The following DIP2A variants were observed in gnomAD, a reference collection of about 807,000 sequenced individuals.
The protein encoded by DIP2A is DIP2 acetate--CoA ligase A.
DIP2A carries 85 observed loss-of-function variants against 177.4 expected under a neutral mutation model. The ratio of observed to expected loss-of-function variants is 0.48; its 90% confidence interval spans 0.40 to 0.57. The LOEUF (loss-of-function observed/expected upper bound fraction) is 0.57. Ranked by LOEUF, DIP2A falls within the 20% of genes least tolerant of loss-of-function variation. The pLI is 0.00. For missense variants in DIP2A, 1,791 were observed against 2,100.2 expected, an observed-to-expected ratio of 0.85 and a Z score of 2.88; for synonymous variants, 886 against 881.8, an observed-to-expected ratio of 1.00 and a Z score of -0.08.
At position 46,550,046 on chromosome 21, in the gene DIP2A, G is replaced by A. The variant is rs2060215572; in HGVS notation, c.2637+161G>A. Reference sequence around the variant, plus strand: ...GCAAATTGACAAATTACAGCTGTATGTATTTACGGGATACAAAGTGATGTT... The same window carrying A: ...GCAAATTGACAAATTACAGCTGTATATATTTACGGGATACAAAGTGATGTT... On this transcript the variant is annotated intron_variant, in intron 22 of 37. Coordinates refer to ENST00000417564, the MANE Select transcript of DIP2A (RefSeq NM_015151.4). 7 of 1,437,722 alleles carry A rather than the reference G, an allele frequency of 4.9e-6. No homozygotes were observed. In the East Asian group the frequency reaches 1.7e-4, roughly 35 times the overall value. The allele number at this position is 1,437,722 out of a possible 1,614,324, so 89.1% of individuals were successfully genotyped here.
chr21:46,560,661 G>A (rs764720310), intron 32 of DIP2A, 61 bp from the exon 33 acceptor site: 256 of 1,559,424 alleles, frequency 1.6e-4, no homozygotes, highest in Admixed American at 2.3e-4. Context: ...AGCTGTACCT[G>A]TAGAAACAAG....
At chr21:46,561,946 AG>A (rs2148910592) in intron 34 of DIP2A, 141 bp downstream of exon 34, 3 of 1,473,778 alleles carry the variant, frequency 2.0e-6, no homozygotes, top group Middle Eastern at 4.8e-4. Context: ...CTGCTGCAGA[AG>A]TCTCCTTCCC....
chr21:46,469,089 C>G (rs1018997899), intron 1 of DIP2A: 2 of 152,166 alleles, frequency 1.3e-5, no homozygotes, highest in Non-Finnish European at 2.9e-5. Context: ...CTTGTAGGAT[C>G]ATAATTATTT....
chr21:46,549,661 C>T (rs1321916506), intron 21 of DIP2A, 110 bp from the exon 22 acceptor site: 14 of 1,527,410 alleles, frequency 9.2e-6, no homozygotes, highest in Non-Finnish European at 1.1e-5. Context: ...ATTTGATAGA[C>T]TGCATTTTAA....
intron 6 of DIP2A, among the ~76,000 whole-genome samples, chr21:46,508,003 G>A (rs1400618132): frequency 6.6e-6 from 1 of 151,242 alleles, no homozygotes; most frequent in Non-Finnish European, 1.5e-5. Flanking sequence ...ACCCCAATGT[G>A]CTGGGATTAC....
At chr21:46,545,484 G>A (rs996790621) in intron 19 of DIP2A, among the ~76,000 whole-genome samples, 12 of 152,230 alleles carry the variant, frequency 7.9e-5, no homozygotes, top group Admixed American at 5.2e-4. Context: ...GGCATGCTGT[G>A]GAGGGCTGGG....
Position 46,509,272 on chromosome 21 carries a change from G to A in DIP2A, c.800G>A (p.Ser267Asn), listed in dbSNP as rs1315236820. 1 of 1,613,462 alleles carries A rather than the reference G, an allele frequency of 6.2e-7. No homozygotes were observed. The highest frequency in any genetic ancestry group is 1.3e-5 in the African/African-American group (1 of 75,022). ...CCCGTGACAGGTGTCCCTGTGAACA[G>A]CAGAGTGTCCTCCAAAATCCAGCAG... ...LETADGVPVN[S>N]RVSSKIQQLL... Residue 267 changes from serine to asparagine, a missense_variant, in exon 7 of 38, where the codon AGC becomes AAC. Physicochemically the swap from Ser to Asn is conservative, Grantham distance 46 (BLOSUM62 1). Coordinates refer to ENST00000417564, the MANE Select transcript of DIP2A (RefSeq NM_015151.4).
In DIP2A at chr21:46,560,742, C is replaced by T; in HGVS notation, c.3990C>T (p.Pro1330=). 2 of 1,609,498 alleles carry T rather than the reference C, an allele frequency of 1.2e-6. No homozygotes were observed. Among genetic ancestry groups the T allele is most frequent in the Middle Eastern group, 1.7e-4 (1 of 6,058 alleles). ...ICLQGTAGPD[P]TTVYVDMRAL... is the part of the protein sequence containing the mutation. ...TCCAGGGCACAGCTGGCCCGGACCC[C>T]ACAACCGTCTACGTGGACATGCGGG... is the stretch of plus-strand genomic sequence containing the variant. Residue 1330 remains proline, a synonymous_variant, in exon 33 of 38, where the codon CCC becomes CCT. Transcript: ENST00000417564.
chr21:46,492,553 A>G (rs544844814), intron 3 of DIP2A, among the ~76,000 whole-genome samples: 24 of 151,920 alleles, frequency 1.6e-4, no homozygotes, highest in Admixed American at 1.2e-3. Context: ...TGAAATTCCT[A>G]TATTGAAGCC....
intron 1 of DIP2A, among the ~76,000 whole-genome samples, chr21:46,482,105 G>A (rs1014489780): frequency 3.9e-5 from 6 of 152,100 alleles, no homozygotes; most frequent in African/African-American, 1.4e-4. Context: ...TCTTTGAAAA[G>A]ATAATAAATT....
At position 46,556,784 on chromosome 21, in the gene DIP2A, G is replaced by C. The variant is rs1472352735; in HGVS notation, c.3499-155G>C. The C allele has an allele frequency of 1.3e-5, 8 of 639,344 alleles. No individual in the cohort carries two copies. In the African/African-American group the frequency reaches 1.5e-4, roughly 12 times the overall value. 39.6% of individuals were successfully genotyped at this position (639,344 alleles called of 1,614,324 possible). On this transcript the variant is annotated intron_variant, in intron 29 of 37. Transcript: ENST00000417564. This position sits in a 1 kb window ranked among gnomAD's most constrained non-coding sequence, Gnocchi z 4.5. ...TCTTGGGTATTATTTAGGTTATATG[G>C]GGATTTGAGCCAACCGTCTTTTAAG... is the stretch of plus-strand genomic sequence containing the variant.
At chr21:46,479,326 A>G (rs1054908529) in intron 1 of DIP2A, among the ~76,000 whole-genome samples, 3 of 152,208 alleles carry the variant, frequency 2.0e-5, no homozygotes, top group Non-Finnish European at 4.4e-5. Context: ...TGAGTGCTAT[A>G]ATTTTGTCAG....
chr21:46,511,517 GT>G lies in DIP2A; in HGVS notation c.1007del (p.Leu336TrpfsTer17). 6.2e-7 allele frequency: 1 copy of G among 1,612,592 alleles called. No individual in the cohort carries two copies. ...TAGVPRPPSL[L>X]ATLQRWGTTQ... ...CAGGTGTCCCCCGACCGCCGTCGCT[GT>G]TGGCCACCTTGCAGCGCTGGGGCAC... On this transcript the variant is annotated frameshift_variant, in exon 8 of 38. Coordinates refer to ENST00000417564, the MANE Select transcript of DIP2A (RefSeq NM_015151.4). LOFTEE classifies it high-confidence loss of function.
intron 2 of DIP2A, among the ~76,000 whole-genome samples, chr21:46,488,134 C>T (rs1028192446): frequency 6.6e-6 from 1 of 152,116 alleles, no homozygotes; most frequent in Admixed American, 6.5e-5. Context: ...AAAAGAAGTC[C>T]AGAAGTGATT....
chr21:46,560,585 T>G, intron 32 of DIP2A, 137 bp from the exon 33 acceptor site: 1 of 1,148,330 alleles, frequency 8.7e-7, no homozygotes, highest in Middle Eastern at 2.1e-4. Flanking sequence ...CTAGGCGGAC[T>G]CACTGCAGGG....
chr21:46,543,678 C>T (rs569587894), intron 18 of DIP2A, among the ~76,000 whole-genome samples: 21 of 152,220 alleles, frequency 1.4e-4, no homozygotes, highest in Admixed American at 1.4e-3. Flanking sequence ...TTCAGTCTGC[C>T]CTGTGTAGGC....
the DIP2A span, among the ~76,000 whole-genome samples, chr21:46,582,157 A>G: frequency 6.6e-6 from 1 of 152,100 alleles, no homozygotes; most frequent in African/African-American, 2.4e-5. Context: ...TGAAATTCCC[A>G]CAGGGAGGCC....
intron 9 of DIP2A, among the ~76,000 whole-genome samples, chr21:46,530,560 G>A (rs1305386811): frequency 4.6e-5 from 7 of 152,112 alleles, no homozygotes; most frequent in South Asian, 2.1e-4. Context: ...AAAGGATGCC[G>A]GTAGGAAAGA....
At chr21:46,489,378 C>T (rs1410899785) in intron 2 of DIP2A, among the ~76,000 whole-genome samples, 1 of 152,196 alleles carries the variant, frequency 6.6e-6, no homozygotes, top group Non-Finnish European at 1.5e-5. Flanking sequence ...TGTGAGGGCT[C>T]CTCAGTCACA....
Sources: gnomAD v4.1 joint callset for allele counts (sites outside exome capture counted in the v4.1 genomes callset) on GRCh38, gnomAD v4.1.1 for gene constraint, Gnocchi (gnomAD v3.1) non-coding constraint, MANE v1.5 for transcripts, NCBI Gene and HGNC (gene_info 2026-07-23, HGNC 2026-07-21) for gene names.